AIDA: variants seen among roughly 807,000 people sequenced by gnomAD.
AIDA encodes the protein axin interactor, dorsalization-associated protein.
In AIDA, 18 loss-of-function variants were observed where a neutral mutation model predicts 42.7. The ratio of observed to expected loss-of-function variants is 0.42; its 90% confidence interval spans 0.29 to 0.63. The LOEUF (loss-of-function observed/expected upper bound fraction) is 0.63, where lower values mean the gene tolerates loss of function less well. Among genes scored for constraint, AIDA ranks in the 20% least tolerant of loss-of-function variants. The pLI is 0.19. For missense variants in AIDA, 250 were observed against 354.1 expected, an observed-to-expected ratio of 0.71 and a Z score of 2.36; for synonymous variants, 104 against 122.9, an observed-to-expected ratio of 0.85 and a Z score of 1.02.
intron 1 of AIDA, among the ~76,000 whole-genome samples, chr1:222,708,011 C>T (rs1352996782): frequency 1.3e-5 from 2 of 152,064 alleles, no homozygotes; most frequent in African/African-American, 4.8e-5. Context: ...TAAAGCACAG[C>T]AAAAATGACA....
chr1:222,688,163 T>C (rs998132681), intron 4 of AIDA, among the ~76,000 whole-genome samples: 2 of 152,120 alleles, frequency 1.3e-5, no homozygotes, highest in African/African-American at 4.8e-5. Flanking sequence ...AAGGCTGCAG[T>C]GAGCCATGAT....
chr1:222,707,241 T>C (rs190082518), intron 1 of AIDA, among the ~76,000 whole-genome samples: 6 of 152,072 alleles, frequency 3.9e-5, no homozygotes, highest in Admixed American at 3.9e-4. Flanking sequence ...CACTGCAACC[T>C]CTGTCTCCGG....
chr1:222,693,759 T>A (rs761683827), intron 4 of AIDA, 30 bp downstream of exon 4: 15 of 1,547,828 alleles, frequency 9.7e-6, no homozygotes, highest in Non-Finnish European at 2.7e-6. Flanking sequence ...TCCAAAGGAG[T>A]ATCACAAAAA....
chr1:222,711,140 A>T (rs1033240265), intron 1 of AIDA, among the ~76,000 whole-genome samples: 3 of 152,118 alleles, frequency 2.0e-5, no homozygotes, highest in East Asian at 3.8e-4. Context: ...GTGGTTTCAT[A>T]CTCAGTGAAA....
intron 7 of AIDA, among the ~76,000 whole-genome samples, chr1:222,675,584 C>T (rs946666050): frequency 2.0e-5 from 3 of 152,202 alleles, no homozygotes; most frequent in Non-Finnish European, 4.4e-5. Flanking sequence ...TGGATCTATC[C>T]TTGCTTCCTG....
intron 2 of AIDA, among the ~76,000 whole-genome samples, chr1:222,700,677 C>T (rs1257909841): frequency 6.6e-6 from 1 of 151,654 alleles, no homozygotes; most frequent in Non-Finnish European, 1.5e-5. Flanking sequence ...ATGGCGTGAA[C>T]CCGGGAGGCG....
intron 6 of AIDA, among the ~76,000 whole-genome samples, chr1:222,679,710 C>T (rs1664619474): frequency 6.6e-6 from 1 of 152,184 alleles, no homozygotes; most frequent in South Asian, 2.1e-4. Flanking sequence ...CTTGTAACCA[C>T]CACACCTCAT....
chr1:222,711,538 C>G (rs1490085960), intron 1 of AIDA: 1 of 152,234 alleles, frequency 6.6e-6, no homozygotes, highest in Non-Finnish European at 1.5e-5. Flanking sequence ...GTGGGTGGGA[C>G]TCACAGCCTA....
intron 4 of AIDA, among the ~76,000 whole-genome samples, chr1:222,692,061 G>C (rs1312358780): frequency 6.6e-6 from 1 of 152,208 alleles, no homozygotes; most frequent in South Asian, 2.1e-4. Context: ...ATTTTCTGTA[G>C]GATAGGTTTC....
At chr1:222,704,288 T>A (rs1448470873) in intron 1 of AIDA, among the ~76,000 whole-genome samples, 1 of 152,116 alleles carries the variant, frequency 6.6e-6, no homozygotes, top group Non-Finnish European at 1.5e-5. Flanking sequence ...AAGTTAAATA[T>A]AGACTTACTG....
intron 6 of AIDA, among the ~76,000 whole-genome samples, chr1:222,684,567 A>AT (rs1001073910): frequency 2.0e-5 from 3 of 152,166 alleles, no homozygotes; most frequent in Non-Finnish European, 2.9e-5. Flanking sequence ...TTTACAAGTT[A>AT]TTTTTTAATA....
rs547097385 is a variant in AIDA, at chr1:222,668,297, G to A, written c.*1596C>T. 1 of 133,186 alleles carries A rather than the reference G, an allele frequency of 7.5e-6. No individual in the cohort carries two copies. The highest frequency in any genetic ancestry group is 1.6e-5 in the Non-Finnish European group (1 of 63,064). The allele number at this position is 133,186 out of a possible 1,614,324, so 8.3% of individuals were successfully genotyped here. ...GCACCTTAGAAAAATTACATGACACGGAGAAAATGCGCCTCTTGCTCCTTG... is the reference window on the plus strand; with the variant it reads ...GCACCTTAGAAAAATTACATGACACAGAGAAAATGCGCCTCTTGCTCCTTG... On this transcript the variant is annotated 3_prime_UTR_variant, in exon 10 of 10. Coordinates refer to ENST00000340020, the MANE Select transcript of AIDA (RefSeq NM_022831.4).
chr1:222,687,695 T>A, intron 4 of AIDA, 37 bp from the exon 5 acceptor site: 1 of 1,367,848 alleles, frequency 7.3e-7, no homozygotes, highest in Non-Finnish European at 9.9e-7. Flanking sequence ...AATTCTTCCA[T>A]GAAGCAAAAT....
chr1:222,687,653 T>G lies in AIDA; in HGVS notation c.295A>C (p.Lys99Gln). 1 of 1,484,948 alleles carries G rather than the reference T, an allele frequency of 6.7e-7. No homozygotes were observed. The highest frequency in any genetic ancestry group is 1.4e-5 in the African/African-American group (1 of 71,108). The allele number at this position is 1,484,948 out of a possible 1,614,324, so 92.0% of individuals were successfully genotyped here. ...TCTTTATTATATGTAAGAATATTCT[T>G]TAGGACTAGAATAAGAAGATAAAGA... The part of the protein sequence containing the change: ...EDLKKLEPIL[K>Q]NILTYNKEFP... Residue 99 changes from lysine to glutamine, a missense_variant, in exon 5 of 10, where the codon AAG (lysine) becomes CAG (glutamine). By Grantham distance (53) the Lys-to-Gln change is moderately conservative (BLOSUM62 1). This residue lies in a region of AIDA where 199 missense variants were observed against 232.6 expected (regional missense o/e 0.86). Transcript: ENST00000340020.
At chr1:222,681,683 C>A (rs749656881) in intron 6 of AIDA, among the ~76,000 whole-genome samples, 2 of 152,024 alleles carry the variant, frequency 1.3e-5, no homozygotes, top group East Asian at 1.9e-4. Flanking sequence ...AATAAAAGAA[C>A]GTTTTGAAAA....
chr1:222,696,615 G>C (rs566401545), intron 2 of AIDA, among the ~76,000 whole-genome samples: 4 of 152,276 alleles, frequency 2.6e-5, no homozygotes, highest in African/African-American at 9.6e-5. Flanking sequence ...ATTCAGGGTG[G>C]TATGGTGGCA....
intron 2 of AIDA, among the ~76,000 whole-genome samples, chr1:222,701,708 ATT>A (rs1035438837): frequency 1.2e-4 from 19 of 152,162 alleles, no homozygotes; most frequent in Non-Finnish European, 2.5e-4. Flanking sequence ...AAAAAAAAAT[ATT>A]CTTTTTTTAA....
intron 2 of AIDA, among the ~76,000 whole-genome samples, chr1:222,696,145 A>G (rs1655515918): frequency 6.6e-6 from 1 of 152,248 alleles, no homozygotes; most frequent in Non-Finnish European, 1.5e-5. Flanking sequence ...GAAAACTTAC[A>G]TTTAAAGATT....
intron 2 of AIDA, among the ~76,000 whole-genome samples, chr1:222,700,975 G>GGGA: frequency 2.7e-5 from 4 of 147,184 alleles, no homozygotes; most frequent in African/African-American, 1.0e-4. Flanking sequence ...TTTTTTTGGG[G>GGGA]GGGGGGGGAC....
Sources: allele counts gnomAD v4.1 joint callset (sites outside exome capture counted in the v4.1 genomes callset), GRCh38; gene constraint gnomAD v4.1.1; regional missense constraint gnomAD v4.1.1; transcripts MANE v1.5; gene names NCBI Gene and HGNC (gene_info 2026-07-23, HGNC 2026-07-21).